Variants in ATF2 observed in about 807,000 individuals in gnomAD.
The protein encoded by ATF2 is cyclic AMP-dependent transcription factor ATF-2.
Under a neutral mutation model 60.6 loss-of-function variants are expected in ATF2, and 24 were observed. The ratio of observed to expected loss-of-function variants is 0.40; its 90% CI spans 0.29 to 0.56. The LOEUF (loss-of-function observed/expected upper bound fraction) is 0.56. Ranked by LOEUF, ATF2 falls within the 20% of genes least tolerant of loss-of-function variation. The pLI is 0.54. For missense variants in ATF2, 433 were observed against 607.7 expected (o/e 0.71, Z 3.02); for synonymous variants, 206 against 215.4 (o/e 0.96, Z 0.38).
intron 9 of ATF2, 66 bp from the exon 10 acceptor site, chr2:175,111,720 G>T: frequency 7.5e-7 from 1 of 1,340,364 alleles, no homozygotes; most frequent in Non-Finnish European, 1.1e-6. Context: ...GTACTTTACT[G>T]CTGTTGTAAT....
At chr2:175,103,225 A>T (rs1334754452) in intron 10 of ATF2, among the ~76,000 whole-genome samples, 2 of 152,232 alleles carry the variant, frequency 1.3e-5, no homozygotes. Context: ...CATATGTGCC[A>T]CAAAAGCTCA....
At chr2:175,092,788 A>T (rs1486379600) in intron 12 of ATF2, among the ~76,000 whole-genome samples, 1 of 152,214 alleles carries the variant, frequency 6.6e-6, no homozygotes, top group Non-Finnish European at 1.5e-5. Flanking sequence ...ACTTTATATC[A>T]CAACTTTATA....
Position 175,149,550 on chromosome 2 carries a change from AAAC to A in ATF2, c.-44+1507_-44+1509del, listed in dbSNP as rs369217450. On this transcript the variant is annotated intron_variant, in intron 2 of 13. Transcript: ENST00000264110. ...AATGACAAAAATAAGAGGTAAATCTAAACAACAACAACAACAAAACAAAGAAAA... is the reference window on the plus strand; with the variant it reads ...AATGACAAAAATAAGAGGTAAATCTAAACAACAACAACAAAACAAAGAAAA... Among the ~76,000 whole-genome samples the A allele has an allele frequency of 6.8e-3, 1,030 of 152,298 alleles. 5 individuals carry two copies. The highest frequency in any genetic ancestry group is 0.024 in the Middle Eastern group (7 of 294).
In ATF2 at chr2:175,135,622, AAAGG is replaced by A. The variant is rs1698085738; in HGVS notation, c.32+786_32+789del. ...ATGTCATGGAGATGAAAAGAAGAGC[AAAGG>A]AAGAGGGTTGCTGTTTTCCATTAGA... is the stretch of plus-strand genomic sequence containing the variant. On this transcript the variant is annotated intron_variant, in intron 3 of 13. Coordinates refer to ENST00000264110, the MANE Select transcript of ATF2 (RefSeq NM_001880.4). Among the ~76,000 whole-genome samples the A allele has an allele frequency of 3.3e-5, 5 of 152,346 alleles. No individual in the cohort carries two copies. The South Asian group carries it at 1.0e-3, about 32-fold the overall frequency.
intron 7 of ATF2, among the ~76,000 whole-genome samples, chr2:175,116,762 A>G (rs1024918106): frequency 1.3e-5 from 2 of 152,046 alleles, no homozygotes; most frequent in Non-Finnish European, 2.9e-5. Context: ...GCCACGAACA[A>G]TGAAAAACTG....
chr2:175,077,361 A>G (rs1693408597), intron 13 of ATF2, among the ~76,000 whole-genome samples: 1 of 152,196 alleles, frequency 6.6e-6, no homozygotes, highest in Non-Finnish European at 1.5e-5. Context: ...AAGATCTCTG[A>G]GGAATCGCCA....
rs1014802366 is a variant in ATF2, at chr2:175,163,757, T to C, written c.-143+4293A>G. The stretch of plus-strand genomic sequence containing the variant: ...GGCCAACATGGTGAAACCCCGTTTC[T>C]ATTAAAAATACAAAAATTAGCCAGG... On this transcript the variant is annotated intron_variant, in intron 1 of 13. Transcript: ENST00000264110. Among the ~76,000 whole-genome samples, 3 of 151,502 alleles carry C rather than the reference T, an allele frequency of 2.0e-5. No individual in the cohort carries two copies. In the South Asian group the frequency reaches 6.2e-4, roughly 32 times the overall value.
At chr2:175,162,582 C>T (rs1700094769) in intron 1 of ATF2, among the ~76,000 whole-genome samples, 2 of 152,140 alleles carry the variant, frequency 1.3e-5, no homozygotes, top group Admixed American at 6.5e-5. Context: ...AAACTGAAAA[C>T]TATTATTTTC....
At chr2:175,090,978 C>T (rs1694506112) in intron 12 of ATF2, among the ~76,000 whole-genome samples, 1 of 152,020 alleles carries the variant, frequency 6.6e-6, no homozygotes. Flanking sequence ...TAGTGGTAAC[C>T]AGTGCTGCAG....
chr2:175,132,740 A>C (rs1697826071), intron 3 of ATF2: 1 of 152,184 alleles, frequency 6.6e-6, no homozygotes, highest in Admixed American at 6.5e-5. Flanking sequence ...GGGTGGTTTT[A>C]AGTAATGAAT....
In ATF2 at chr2:175,160,993, G is replaced by A. The variant is rs932861943; in HGVS notation, c.-143+7057C>T. On this transcript the variant is annotated intron_variant, in intron 1 of 13. Coordinates refer to ENST00000264110, the MANE Select transcript of ATF2 (RefSeq NM_001880.4). ...GTGGAAGCCGCAGTGAGACTTAGTC[G>A]CATCACTGCACTCCAACCTGCATGA... Among the ~76,000 whole-genome samples the A allele has an allele frequency of 7.2e-5, 11 of 152,054 alleles. No homozygotes were observed. The South Asian group carries it at 1.7e-3, about 23-fold the overall frequency.
intron 3 of ATF2, chr2:175,132,716 G>C (rs538218811): frequency 6.6e-6 from 1 of 152,224 alleles, no homozygotes; most frequent in African/African-American, 2.4e-5. Flanking sequence ...TCTGAGCCTG[G>C]AGGTTTCTCT....
At position 175,074,786 on chromosome 2, in the gene ATF2, T is replaced by C; in HGVS notation, c.1341A>G (p.Pro447=). 6.2e-7 allele frequency: 1 copy of C among 1,613,614 alleles called. No individual in the cohort carries two copies. The highest frequency in any genetic ancestry group is 8.5e-7 in the Non-Finnish European group (1 of 1,179,694). The stretch of plus-strand genomic sequence containing the variant: ...AACTATGCTGTATAGCTTCTGTATG[T>C]GGACTACTCGGCACTGAAATGTCTT... ...SSEDISVPSS[P]HTEAIQHSSV... Residue 447 remains proline (P), a synonymous_variant, in exon 14 of 14, where the codon CCA becomes CCG. Transcript: ENST00000264110.
At chr2:175,121,672 G>T in intron 4 of ATF2, 132 bp from the exon 5 acceptor site, 4 of 621,008 alleles carry the variant, frequency 6.4e-6, no homozygotes, top group Admixed American at 3.2e-5. Flanking sequence ...AACTATAAAA[G>T]AATCCGTTAT....
chr2:175,167,731 G>A, intron 1 of ATF2: 1 of 481,722 alleles, frequency 2.1e-6, no homozygotes, highest in East Asian at 6.6e-5. Context: ...AATTCGGAGG[G>A]AGGGGTCTAA....
chr2:175,105,356 C>A (rs938664594), intron 10 of ATF2, among the ~76,000 whole-genome samples: 4 of 150,900 alleles, frequency 2.7e-5, no homozygotes, highest in Admixed American at 6.6e-5. Context: ...AACAAAATAG[C>A]TCATTGATAA....
chr2:175,081,065 T>C (rs763890210), intron 12 of ATF2, among the ~76,000 whole-genome samples: 2 of 152,182 alleles, frequency 1.3e-5, no homozygotes, highest in African/African-American at 2.4e-5. Flanking sequence ...AAAGTATTTT[T>C]ATTTTATATA....
At chr2:175,142,920 C>G (rs1294849929) in intron 2 of ATF2, among the ~76,000 whole-genome samples, 2 of 152,068 alleles carry the variant, frequency 1.3e-5, no homozygotes, top group Admixed American at 6.6e-5. Flanking sequence ...GATCATAGCT[C>G]ACTGCAGCCT....
At chr2:175,101,314 G>C (rs961692745) in intron 10 of ATF2, among the ~76,000 whole-genome samples, 1 of 152,128 alleles carries the variant, frequency 6.6e-6, no homozygotes, top group African/African-American at 2.4e-5. Context: ...TTGGAAAAGT[G>C]TGGGTCAGAA....
Sources: allele counts gnomAD v4.1 joint callset (sites outside exome capture counted in the v4.1 genomes callset), GRCh38; gene constraint gnomAD v4.1.1; transcripts MANE v1.5; gene names NCBI Gene and HGNC (gene_info 2026-07-23, HGNC 2026-07-21).